The following PRKACB variants were observed in gnomAD, a reference collection of about 807,000 sequenced individuals.
PRKACB encodes cAMP-dependent protein kinase catalytic subunit beta.
A neutral mutation model predicts 51.4 loss-of-function variants in PRKACB; 16 were observed. That is an observed-to-expected ratio of 0.31 (90% CI 0.21 to 0.47). PRKACB has a LOEUF of 0.47. PRKACB is among the 20% of genes least tolerant of loss of function. The pLI, the probability that PRKACB is intolerant of heterozygous loss-of-function variation, is 1.00. For missense variants in PRKACB, 309 were observed against 464.5 expected (o/e 0.67, Z 3.08); for synonymous variants, 147 against 154.4 (o/e 0.95, Z 0.35).
chr1:84,171,956 T>A (rs1477268070), intron 1 of PRKACB, among the ~76,000 whole-genome samples: 1 of 151,636 alleles, frequency 6.6e-6, no homozygotes, highest in Non-Finnish European at 1.5e-5. Flanking sequence ...TAGGTATAAA[T>A]CTAATAAAAG....
At chr1:84,229,628 C>G (rs1675259094) in intron 9 of PRKACB, among the ~76,000 whole-genome samples, 1 of 151,852 alleles carries the variant, frequency 6.6e-6, no homozygotes, top group Non-Finnish European at 1.5e-5. Flanking sequence ...GCCATTCTAA[C>G]TGGTGTGAGA....
At chr1:84,102,272 A>G (rs1649407019) in intron 1 of PRKACB, among the ~76,000 whole-genome samples, 1 of 152,100 alleles carries the variant, frequency 6.6e-6, no homozygotes, top group Non-Finnish European at 1.5e-5. Context: ...CTGTAGTCCC[A>G]GCTGCTTGGG....
At chr1:84,197,575 G>A (rs1037558222) in intron 6 of PRKACB, among the ~76,000 whole-genome samples, 154 bp from the exon 7 acceptor site, 1 of 151,954 alleles carries the variant, frequency 6.6e-6, no homozygotes, top group African/African-American at 2.4e-5. Context: ...TCATTCACTA[G>A]ATATTCATGA....
At position 84,235,165 on chromosome 1, in the gene PRKACB, C is replaced by A. The variant is rs1472595782; in HGVS notation, c.1072-15C>A. On this transcript the variant is annotated splice_polypyrimidine_tract_variant and intron_variant, in intron 9 of 9. Coordinates refer to ENST00000370685, the MANE Select transcript of PRKACB (RefSeq NM_182948.4). ...TTTTTCCTTTTTCTTATTTTTCTCTCCCTCTCAATTATAGGTTGAAGCTCC... is the reference window on the plus strand; with the variant it reads ...TTTTTCCTTTTTCTTATTTTTCTCTACCTCTCAATTATAGGTTGAAGCTCC... The A allele has an allele frequency of 6.3e-7, 1 of 1,579,338 alleles. No individual in the cohort carries two copies. Among genetic ancestry groups the A allele is most frequent in the African/African-American group, 1.4e-5 (1 of 72,604 alleles).
At chr1:84,084,911 A>C (rs1278849743) in intron 1 of PRKACB, among the ~76,000 whole-genome samples, 2 of 152,110 alleles carry the variant, frequency 1.3e-5, no homozygotes, top group African/African-American at 4.8e-5. Context: ...GCCATGGGGG[A>C]AAATGCCCTT....
intron 1 of PRKACB, among the ~76,000 whole-genome samples, chr1:84,109,017 T>A (rs1441896181): frequency 1.3e-5 from 2 of 152,008 alleles, no homozygotes; most frequent in African/African-American, 4.8e-5. Flanking sequence ...TACTCTTTTG[T>A]CCCTGGTTTC....
chr1:84,094,162 A>G (rs913642600), intron 1 of PRKACB, among the ~76,000 whole-genome samples: 1 of 152,028 alleles, frequency 6.6e-6, no homozygotes, highest in Non-Finnish European at 1.5e-5. Flanking sequence ...CACACTTGTC[A>G]TATTCCTGGT....
At chr1:84,157,238 C>T (rs1157570364) in intron 1 of PRKACB, 2 of 152,090 alleles carry the variant, frequency 1.3e-5, no homozygotes, top group African/African-American at 4.8e-5. Context: ...TATGAAGCCT[C>T]AAAAGATTTT....
At chr1:84,098,898 T>G (rs1035993401) in intron 1 of PRKACB, among the ~76,000 whole-genome samples, 2 of 152,032 alleles carry the variant, frequency 1.3e-5, no homozygotes, top group Non-Finnish European at 2.9e-5. Flanking sequence ...ATTTGGGGTA[T>G]CAAGGATCCT....
chr1:84,196,752 T>C lies in PRKACB; in HGVS notation c.687+10T>C. On this transcript the variant is annotated intron_variant, in intron 6 of 9. Coordinates refer to ENST00000370685, the MANE Select transcript of PRKACB (RefSeq NM_182948.4). ...TCAAGGCTATATCCAGGTATGACTT[T>C]AACACATTATGTGTACTGTATATGA... The C allele has an allele frequency of 6.2e-7, 1 of 1,610,246 alleles. No individual in the cohort carries two copies. The highest frequency in any genetic ancestry group is 8.5e-7 in the Non-Finnish European group (1 of 1,177,032).
At position 84,196,506 on chromosome 1, in the gene PRKACB, C is replaced by T. The variant is rs186169988; in HGVS notation, c.561-110C>T. The T allele has an allele frequency of 6.5e-6, 7 of 1,084,962 alleles. No individual in the cohort carries two copies. In the Admixed American group the frequency reaches 1.4e-4, roughly 22 times the overall value. 67.2% of individuals were successfully genotyped at this position (1,084,962 alleles called of 1,614,324 possible). On this transcript the variant is annotated intron_variant, in intron 5 of 9. Transcript: ENST00000370685. ...TCTTTACATACTTTTTAAAAAAATA[C>T]TTTTTGTTCCCAAAGTACCTCTACT...
intron 1 of PRKACB, among the ~76,000 whole-genome samples, chr1:84,170,611 G>T (rs146510496): frequency 1.3e-5 from 2 of 151,526 alleles, no homozygotes; most frequent in African/African-American, 4.8e-5. Flanking sequence ...CAGGTTTCTC[G>T]CAGATAAAGC....
intron 1 of PRKACB, among the ~76,000 whole-genome samples, chr1:84,136,734 G>T (rs1045309132): frequency 6.6e-6 from 1 of 152,160 alleles, no homozygotes; most frequent in African/African-American, 2.4e-5. Flanking sequence ...CATGAAAACT[G>T]CACATTATAG....
At chr1:84,150,259 C>CAA (rs1654675659) in intron 1 of PRKACB, among the ~76,000 whole-genome samples, 1 of 152,132 alleles carries the variant, frequency 6.6e-6, no homozygotes, top group East Asian at 1.9e-4. Context: ...GCCTGGGTGA[C>CAA]AGAGTGAGAC....
At chr1:84,129,038 T>C (rs1347986143) in intron 1 of PRKACB, among the ~76,000 whole-genome samples, 2 of 152,218 alleles carry the variant, frequency 1.3e-5, no homozygotes, top group African/African-American at 4.8e-5. Flanking sequence ...AAAAGCAATT[T>C]GAATTCCTGG....
chr1:84,170,606 T>G (rs1333439235), intron 1 of PRKACB, among the ~76,000 whole-genome samples: 1 of 151,552 alleles, frequency 6.6e-6, no homozygotes, highest in East Asian at 1.9e-4. Flanking sequence ...ACCTGCAGGT[T>G]TCTCGCAGAT....
chr1:84,159,452 T>C (rs990495114), intron 1 of PRKACB, among the ~76,000 whole-genome samples: 4 of 152,118 alleles, frequency 2.6e-5, no homozygotes, highest in Non-Finnish European at 5.9e-5. Context: ...ATATTGATCT[T>C]ATATCATCCT....
chr1:84,212,376 T>C (rs1672268822), intron 8 of PRKACB, among the ~76,000 whole-genome samples: 1 of 152,178 alleles, frequency 6.6e-6, no homozygotes, highest in Non-Finnish European at 1.5e-5. Context: ...AAAGTGGCAG[T>C]CAAAAGCTAT....
chr1:84,214,060 G>T, intron 8 of PRKACB, 93 bp from the exon 9 acceptor site: 3 of 1,291,176 alleles, frequency 2.3e-6, no homozygotes, highest in Non-Finnish European at 3.1e-6. Flanking sequence ...TTATATAATG[G>T]CTTGTTGCCT....
Sources: gnomAD v4.1 joint callset for allele counts (sites outside exome capture counted in the v4.1 genomes callset) on GRCh38, gnomAD v4.1.1 for gene constraint, MANE v1.5 for transcripts, NCBI Gene and HGNC (gene_info 2026-07-23, HGNC 2026-07-21) for gene names.